Variants in SYTL5 observed in about 807,000 individuals in gnomAD.
The protein encoded by SYTL5 is synaptotagmin-like protein 5.
Under a neutral mutation model 55.9 loss-of-function variants are expected in SYTL5, and 34 were observed. That is an observed-to-expected ratio of 0.61 (90% confidence interval 0.46 to 0.81). The LOEUF (loss-of-function observed/expected upper bound fraction) is 0.81. SYTL5 is among the 30% of genes least tolerant of loss of function. The probability of loss-of-function intolerance (pLI) is 0.00; values close to 1 mark genes in which losing one functional copy is unlikely to be tolerated. For missense variants in SYTL5, 637 were observed against 546.7 expected, an observed-to-expected ratio of 1.17 and a Z score of -1.65; for synonymous variants, 221 against 188.7, an observed-to-expected ratio of 1.17 and a Z score of -1.40.
At chrX:37,896,707 T>C in the SYTL5 span, among the ~76,000 whole-genome samples, 2 of 111,857 alleles carry the variant, frequency 1.8e-5, no homozygotes, top group Non-Finnish European at 3.8e-5. Flanking sequence ...TTCTGGATCA[T>C]CTTGTCACCA....
chrX:37,953,382 C>A, the SYTL5 span, among the ~76,000 whole-genome samples: 1 of 111,312 alleles, frequency 9.0e-6, no homozygotes, highest in Non-Finnish European at 1.9e-5. Flanking sequence ...GAAAAGTCAA[C>A]AAATAAGAAT....
intron 1 of SYTL5, among the ~76,000 whole-genome samples, chrX:38,013,505 T>C (rs1417679170): frequency 9.0e-6 from 1 of 111,661 alleles, no homozygotes; most frequent in Non-Finnish European, 1.9e-5. Context: ...TCTGAGGATT[T>C]ACCGTGACTC....
chrX:38,039,801 T>A (rs1217002348), intron 2 of SYTL5, among the ~76,000 whole-genome samples: 1 of 112,019 alleles, frequency 8.9e-6, no homozygotes, highest in Non-Finnish European at 1.9e-5. Context: ...TTTCTTTCTA[T>A]CCAAATCAAA....
the SYTL5 span, among the ~76,000 whole-genome samples, chrX:37,934,726 T>C: frequency 9.3e-6 from 1 of 107,924 alleles, no homozygotes; most frequent in South Asian, 4.2e-4. Flanking sequence ...CTCTGCTTCC[T>C]GAGTTCAAGT....
the SYTL5 span, among the ~76,000 whole-genome samples, chrX:37,954,697 TTTAA>T: frequency 1.8e-5 from 2 of 111,580 alleles, no homozygotes; most frequent in Non-Finnish European, 3.8e-5. Context: ...GCAAAACTGA[TTTAA>T]TTGTGTTTTA....
chrX:37,955,315 G>A, the SYTL5 span, among the ~76,000 whole-genome samples: 5 of 111,975 alleles, frequency 4.5e-5, no homozygotes, highest in South Asian at 1.9e-3. Context: ...GGAACTTAGA[G>A]GAATGGTTTA....
intron 11 of SYTL5, among the ~76,000 whole-genome samples, chrX:38,107,212 G>A (rs1006967003): frequency 3.6e-5 from 4 of 111,704 alleles, no homozygotes; most frequent in African/African-American, 1.3e-4. Flanking sequence ...ATAGCACACT[G>A]GAGAGAAGCT....
chrX:38,091,976 C>T (rs968191745), intron 7 of SYTL5, among the ~76,000 whole-genome samples: 6 of 111,581 alleles, frequency 5.4e-5, no homozygotes, highest in Middle Eastern at 4.6e-3. Context: ...CTGGTCTAAG[C>T]TGGTCTTTTC....
At chrX:38,036,804 T>C (rs1309628381) in intron 2 of SYTL5, among the ~76,000 whole-genome samples, 1 of 112,052 alleles carries the variant, frequency 8.9e-6, no homozygotes, top group African/African-American at 3.2e-5. Context: ...ATAAATCTAG[T>C]TTCCCCATTT....
the SYTL5 span, among the ~76,000 whole-genome samples, chrX:37,940,116 G>A: frequency 2.7e-5 from 3 of 110,673 alleles, no homozygotes; most frequent in African/African-American, 9.9e-5. Context: ...GATTATAGGT[G>A]TGAGCCACCT....
intron 1 of SYTL5, among the ~76,000 whole-genome samples, chrX:38,013,790 G>A (rs56789899): frequency 0.097 from 10,659 of 109,956 alleles, 588 homozygotes; most frequent in African/African-American, 0.2. Context: ...TCACTGATTG[G>A]TTTCCTCTCC....
At chrX:37,932,025 T>C in the SYTL5 span, among the ~76,000 whole-genome samples, 1 of 111,131 alleles carries the variant, frequency 9.0e-6, no homozygotes, top group African/African-American at 3.3e-5. Context: ...TAAAGACTTA[T>C]AGGAAAGCTA....
chrX:38,011,599 A>C (rs1383776905), intron 1 of SYTL5, among the ~76,000 whole-genome samples: 1 of 105,281 alleles, frequency 9.5e-6, no homozygotes, highest in Non-Finnish European at 1.9e-5. Context: ...GCGCCACTGC[A>C]CTCCAGCCTG....
chrX:37,899,471 A>G, the SYTL5 span, among the ~76,000 whole-genome samples: 1 of 112,243 alleles, frequency 8.9e-6, no homozygotes, highest in African/African-American at 3.2e-5. Flanking sequence ...CAGAAATTTA[A>G]GTGCTTTGTT....
chrX:38,104,969 A>G (rs1480180056), intron 10 of SYTL5, among the ~76,000 whole-genome samples: 1 of 112,442 alleles, frequency 8.9e-6, no homozygotes, highest in Non-Finnish European at 1.9e-5. Context: ...TAAAGAAAGC[A>G]CTTTTGGCTT....
At chrX:37,971,427 G>C in the SYTL5 span, among the ~76,000 whole-genome samples, 91 of 110,672 alleles carry the variant, frequency 8.2e-4, no homozygotes, top group African/African-American at 2.9e-3. Flanking sequence ...TATTATAAAG[G>C]CCTTTAAATA....
the SYTL5 span, among the ~76,000 whole-genome samples, chrX:37,905,320 C>T: frequency 1.8e-5 from 2 of 109,246 alleles, no homozygotes; most frequent in African/African-American, 6.7e-5. Context: ...GTAACTTGTG[C>T]CTTGGCTGTG....
intron 10 of SYTL5, among the ~76,000 whole-genome samples, chrX:38,104,272 C>G (rs777436074): frequency 2.2e-4 from 25 of 111,792 alleles, no homozygotes; most frequent in Non-Finnish European, 4.1e-4. Context: ...TTCTGTGATT[C>G]CCCTGTGAGT....
At chrX:37,911,205 C>T in the SYTL5 span, among the ~76,000 whole-genome samples, 3 of 110,301 alleles carry the variant, frequency 2.7e-5, no homozygotes, top group Non-Finnish European at 5.7e-5. Context: ...CTCCTGACCT[C>T]GAGTGATCTG....
Sources: gnomAD v4.1 joint callset for allele counts (sites outside exome capture counted in the v4.1 genomes callset) on GRCh38, gnomAD v4.1.1 for gene constraint, MANE v1.5 for transcripts, NCBI Gene and HGNC (gene_info 2026-07-23, HGNC 2026-07-21) for gene names.